LRRIQ1: variants seen among roughly 807,000 people sequenced by gnomAD.
LRRIQ1 encodes leucine rich repeats and IQ motif containing 1.
A neutral mutation model predicts 211.9 loss-of-function variants in LRRIQ1; 210 were observed. The ratio of observed to expected loss-of-function variants is 0.99; its 90% CI spans 0.89 to 1.11. The LOEUF (loss-of-function observed/expected upper bound fraction) is 1.11. Ranked by LOEUF, LRRIQ1 falls within the 50% of genes most tolerant of loss-of-function variation. The pLI is 0.00. For missense variants in LRRIQ1, 2,136 were observed against 1,939.5 expected, an observed-to-expected ratio of 1.10 and a Z score of -1.90; for synonymous variants, 699 against 650.1, an observed-to-expected ratio of 1.08 and a Z score of -1.14.
At chr12:85,267,428 T>C (rs1896447033), downstream of LRRIQ1, among the ~76,000 whole-genome samples, 1 of 142,986 alleles carries the variant, frequency 7.0e-6, no homozygotes, top group South Asian at 2.1e-4. Flanking sequence ...TAAAATAAAG[T>C]AATTTTAGAT....
rs921640661 is a variant in LRRIQ1 at position 85,192,586 on chromosome 12, A to C, written c.4822+31872A>C. On this transcript the variant is annotated intron_variant, in intron 24 of 26. Coordinates refer to ENST00000393217, the MANE Select transcript of LRRIQ1 (RefSeq NM_001079910.2). ...TAATTATATATAAATATATAGTTAT[A>C]TACTATAATTGTGTATATATAGTTA... 7.8e-3 allele frequency among the ~76,000 whole-genome samples: 903 copies of C among 115,416 alleles called. 9 individuals are homozygous for C. The highest frequency in any genetic ancestry group is 0.011 in the Non-Finnish European group (690 of 62,012). The allele number at this position is 115,416 out of a possible 152,430, so 75.7% of individuals were successfully genotyped here.
intron 15 of LRRIQ1, among the ~76,000 whole-genome samples, chr12:85,108,493 C>T (rs1886941925): frequency 6.6e-6 from 1 of 152,074 alleles, no homozygotes; most frequent in Non-Finnish European, 1.5e-5. Flanking sequence ...ATAGTTCTGC[C>T]TTCAGTTTCT....
At chr12:85,202,990 G>T (rs1234449318) in intron 24 of LRRIQ1, among the ~76,000 whole-genome samples, 1 of 152,014 alleles carries the variant, frequency 6.6e-6, no homozygotes, top group African/African-American at 2.4e-5. Context: ...GTAGGAATTT[G>T]ATACAGTTTG....
chr12:85,234,048 T>G (rs1342369860), intron 26 of LRRIQ1, among the ~76,000 whole-genome samples: 11 of 151,366 alleles, frequency 7.3e-5, no homozygotes, highest in Admixed American at 7.2e-4. Flanking sequence ...CTGGGTAACA[T>G]GGCAAAACCC....
At chr12:85,040,020 T>A (rs1878678578) in intron 2 of LRRIQ1, among the ~76,000 whole-genome samples, 1 of 151,618 alleles carries the variant, frequency 6.6e-6, no homozygotes, top group Non-Finnish European at 1.5e-5. Flanking sequence ...TATTTTATAA[T>A]AGCTTACAAA....
intron 15 of LRRIQ1, among the ~76,000 whole-genome samples, chr12:85,109,748 A>G (rs931584778): frequency 8.5e-5 from 13 of 152,284 alleles, no homozygotes; most frequent in African/African-American, 2.9e-4. Context: ...TGATTCTGAT[A>G]TATACTAAAG....
intron 11 of LRRIQ1, among the ~76,000 whole-genome samples, chr12:85,089,532 AT>A (rs1476200167): frequency 2.0e-5 from 3 of 152,206 alleles, no homozygotes; most frequent in African/African-American, 7.2e-5. Context: ...CTTATGGGGA[AT>A]TGGCAAGATT....
intron 24 of LRRIQ1, among the ~76,000 whole-genome samples, chr12:85,198,525 T>C (rs2137002294): frequency 6.6e-6 from 1 of 152,124 alleles, no homozygotes; most frequent in South Asian, 2.1e-4. Context: ...AGATAGTATC[T>C]CATTGTGGTT....
intron 11 of LRRIQ1, among the ~76,000 whole-genome samples, chr12:85,076,289 T>G (rs1214128767): frequency 2.0e-5 from 3 of 151,902 alleles, no homozygotes; most frequent in Non-Finnish European, 2.9e-5. Flanking sequence ...TTTCTCTATA[T>G]ATATGGAATT....
At chr12:85,121,382 C>G (rs1294259052) in intron 15 of LRRIQ1, among the ~76,000 whole-genome samples, 1 of 152,018 alleles carries the variant, frequency 6.6e-6, no homozygotes, top group Non-Finnish European at 1.5e-5. Flanking sequence ...TATTATTATT[C>G]TTTTCATAAT....
At chr12:85,105,817 A>G (rs1186990619) in intron 14 of LRRIQ1, among the ~76,000 whole-genome samples, 3 of 103,100 alleles carry the variant, frequency 2.9e-5, no homozygotes, top group Non-Finnish European at 1.9e-5. Flanking sequence ...TTTTTTTGAG[A>G]CAGAGTTTCA....
chr12:85,037,046 A>T (rs1878206616), intron 1 of LRRIQ1, among the ~76,000 whole-genome samples: 1 of 152,198 alleles, frequency 6.6e-6, no homozygotes, highest in African/African-American at 2.4e-5. Context: ...ACAGATTTCT[A>T]AGAATTACTG....
At chr12:85,153,807 A>G (rs1890384862) in intron 22 of LRRIQ1, 49 bp downstream of exon 22, 4 of 1,205,514 alleles carry the variant, frequency 3.3e-6, no homozygotes, top group African/African-American at 1.6e-5. Flanking sequence ...AGAGATTGCT[A>G]AAAGTCCAAG....
chr12:85,214,856 T>C (rs1197231100), intron 24 of LRRIQ1, among the ~76,000 whole-genome samples: 1 of 152,130 alleles, frequency 6.6e-6, no homozygotes, highest in Non-Finnish European at 1.5e-5. Flanking sequence ...ATACGCATTA[T>C]AGTTAAGAAC....
chr12:85,194,910 A>T (rs1592951569), intron 24 of LRRIQ1, among the ~76,000 whole-genome samples: 1 of 151,976 alleles, frequency 6.6e-6, no homozygotes, highest in South Asian at 2.1e-4. Flanking sequence ...GATCAACAAA[A>T]TTGATAGACC....
In LRRIQ1 at chr12:85,143,341, A is replaced by G. The variant is rs190667510; in HGVS notation, c.4329+5372A>G. On this transcript the variant is annotated intron_variant, in intron 19 of 26. Transcript: ENST00000393217. ...TTATTGAGTTGTTTGAGTTCCTTAT[A>G]TATTTTGGATATTAACCTCTTATCA... 2.6e-3 allele frequency among the ~76,000 whole-genome samples: 392 copies of G among 151,728 alleles called. 4 individuals carry two copies. The highest frequency in any genetic ancestry group is 9.3e-3 in the African/African-American group (385 of 41,476).
intron 14 of LRRIQ1, among the ~76,000 whole-genome samples, chr12:85,105,946 G>A (rs548939821): frequency 6.6e-5 from 10 of 151,714 alleles, no homozygotes; most frequent in African/African-American, 2.2e-4. Context: ...ACAGGCATGC[G>A]CCACCATGCC....
At chr12:85,166,356 A>G (rs189382009) in intron 24 of LRRIQ1, among the ~76,000 whole-genome samples, 6 of 152,202 alleles carry the variant, frequency 3.9e-5, no homozygotes, top group Admixed American at 3.9e-4. Flanking sequence ...TGCTGCTGTC[A>G]TCACTAACAT....
At chr12:85,198,580 T>C (rs964995419) in intron 24 of LRRIQ1, among the ~76,000 whole-genome samples, 7 of 151,622 alleles carry the variant, frequency 4.6e-5, no homozygotes, top group Non-Finnish European at 1.0e-4. Context: ...AGCATTTTTT[T>C]TTTTTGAGAC....
Sources: allele counts gnomAD v4.1 joint callset (sites outside exome capture counted in the v4.1 genomes callset), GRCh38; gene constraint gnomAD v4.1.1; transcripts MANE v1.5; gene names NCBI Gene and HGNC (gene_info 2026-07-23, HGNC 2026-07-21).